LAMA2: variants seen among roughly 807,000 people sequenced by gnomAD.
The protein encoded by LAMA2 is laminin subunit alpha-2.
LAMA2 carries 269 observed loss-of-function variants against 364.8 expected under a neutral mutation model. That is an observed-to-expected ratio of 0.74 (90% CI 0.67 to 0.82). LAMA2 has a LOEUF of 0.82. Among genes scored for constraint, LAMA2 ranks in the 40% least tolerant of loss-of-function variants. The pLI is 0.00. For synonymous variants in LAMA2, 1,379 were observed against 1,370.6 expected (o/e 1.01, Z -0.14); for missense variants, 3,807 against 3,873.2 (o/e 0.98, Z 0.45).
intron 58 of LAMA2, among the ~76,000 whole-genome samples, chr6:129,499,069 C>T (rs1032147152): frequency 3.3e-5 from 5 of 152,122 alleles, no homozygotes; most frequent in African/African-American, 1.2e-4. Flanking sequence ...TGCACCACCA[C>T]GCGAGACTCC....
At chr6:129,206,785 T>A (rs1403800253) in intron 12 of LAMA2, among the ~76,000 whole-genome samples, 1 of 152,162 alleles carries the variant, frequency 6.6e-6, no homozygotes, top group Non-Finnish European at 1.5e-5. Flanking sequence ...TTTGGCACAC[T>A]GAAAAAGGGG....
At chr6:129,295,955 ATTTCTG>A (rs1289695542) in intron 20 of LAMA2, among the ~76,000 whole-genome samples, 1 of 151,680 alleles carries the variant, frequency 6.6e-6, no homozygotes, top group Admixed American at 6.6e-5. Flanking sequence ...TTGTCTATGT[ATTTCTG>A]TTTCTGTTTG....
intron 62 of LAMA2, among the ~76,000 whole-genome samples, chr6:129,508,974 G>C (rs1786342419): frequency 6.6e-6 from 1 of 152,164 alleles, no homozygotes; most frequent in Non-Finnish European, 1.5e-5. Flanking sequence ...CACCAACAGT[G>C]TACAAGGGTT....
chr6:128,923,913 T>C (rs1165269692), intron 1 of LAMA2, among the ~76,000 whole-genome samples: 1 of 151,878 alleles, frequency 6.6e-6, no homozygotes, highest in Non-Finnish European at 1.5e-5. Flanking sequence ...AAGAGAGGAG[T>C]GGGGAGCTGG....
In LAMA2 at chr6:129,087,755, A is replaced by G. The variant is rs567878982; in HGVS notation, c.397-10418A>G. 1.8e-3 allele frequency among the ~76,000 whole-genome samples: 281 copies of G among 152,122 alleles called. 2 individuals carry two copies. Among genetic ancestry groups the G allele is most frequent in the African/African-American group, 6.4e-3 (266 of 41,532 alleles). The stretch of plus-strand genomic sequence containing the variant: ...GGTCATGCATGGACTACAAGGGATC[A>G]AGTAGAAAAGGAGTGGTAAAGTAGT... On this transcript the variant is annotated intron_variant, in intron 3 of 64. Transcript: ENST00000421865.
chr6:129,361,928 C>T (rs963892279), intron 32 of LAMA2, among the ~76,000 whole-genome samples: 2 of 151,540 alleles, frequency 1.3e-5, no homozygotes, highest in Admixed American at 1.3e-4. Flanking sequence ...GGACTAGAGG[C>T]ACATGCCACC....
chr6:129,036,128 T>C (rs1307680692), intron 1 of LAMA2, among the ~76,000 whole-genome samples: 1 of 152,176 alleles, frequency 6.6e-6, no homozygotes, highest in African/African-American at 2.4e-5. Context: ...ATGGAATGTT[T>C]TTCCATTTGT....
rs529175882 is a variant in LAMA2 at position 129,365,464 on chromosome 6, G to A, written c.4718-755G>A. On this transcript the variant is annotated intron_variant, in intron 32 of 64. Coordinates refer to ENST00000421865, the MANE Select transcript of LAMA2 (RefSeq NM_000426.4). ...TGCAACCTCCGCCTCCCAGTTTCAAGTGATTCTCCTGCCTCAGCCTTCTGG... is the reference window on the plus strand; with the variant it reads ...TGCAACCTCCGCCTCCCAGTTTCAAATGATTCTCCTGCCTCAGCCTTCTGG... Among the ~76,000 whole-genome samples, 6 of 152,238 alleles carry A rather than the reference G, an allele frequency of 3.9e-5. No homozygotes were observed. In the South Asian group the frequency reaches 1.2e-3, roughly 32 times the overall value.
intron 28 of LAMA2, among the ~76,000 whole-genome samples, chr6:129,321,207 C>T (rs1774944956): frequency 6.6e-6 from 1 of 152,038 alleles, no homozygotes; most frequent in Admixed American, 6.6e-5. Flanking sequence ...CTGAGATATT[C>T]TCTTGTCTGC....
chr6:129,321,024 A>G (rs1424529123), intron 28 of LAMA2, among the ~76,000 whole-genome samples: 1 of 152,226 alleles, frequency 6.6e-6, no homozygotes, highest in African/African-American at 2.4e-5. Flanking sequence ...ATATTTTTAT[A>G]TAGAACACGA....
chr6:128,970,624 A>G (rs1782132415), intron 1 of LAMA2, among the ~76,000 whole-genome samples: 1 of 152,222 alleles, frequency 6.6e-6, no homozygotes, highest in Non-Finnish European at 1.5e-5. Context: ...AACATCAACA[A>G]ATAAATTTGC....
At chr6:128,959,594 A>G (rs1582771440) in intron 1 of LAMA2, among the ~76,000 whole-genome samples, 3 of 152,016 alleles carry the variant, frequency 2.0e-5, no homozygotes. Flanking sequence ...GCTTCTCCCC[A>G]AGATATCTTC....
intron 1 of LAMA2, among the ~76,000 whole-genome samples, chr6:128,968,167 G>C (rs566819598): frequency 3.9e-4 from 59 of 152,258 alleles, no homozygotes; most frequent in African/African-American, 1.4e-3. Flanking sequence ...TATTTTGTGA[G>C]GTCTTTATAA....
chr6:129,126,537 C>G (rs1369091447), intron 4 of LAMA2, among the ~76,000 whole-genome samples: 1 of 150,780 alleles, frequency 6.6e-6, no homozygotes, highest in East Asian at 1.9e-4. Context: ...TACAATTCTA[C>G]TGGTAAGACT....
chr6:128,949,369 T>C (rs1780670078), intron 1 of LAMA2, among the ~76,000 whole-genome samples: 1 of 151,652 alleles, frequency 6.6e-6, no homozygotes, highest in Non-Finnish European at 1.5e-5. Context: ...ACTGTTGCTC[T>C]CTCACTTTAG....
At chr6:129,437,873 T>G (rs1472776039) in intron 41 of LAMA2, among the ~76,000 whole-genome samples, 1 of 151,916 alleles carries the variant, frequency 6.6e-6, no homozygotes, top group Non-Finnish European at 1.5e-5. Context: ...CTCTTTATAT[T>G]GTTGTACTCG....
intron 35 of LAMA2, among the ~76,000 whole-genome samples, chr6:129,390,056 G>T (rs1356533466): frequency 6.6e-6 from 1 of 152,128 alleles, no homozygotes; most frequent in Non-Finnish European, 1.5e-5. Context: ...ACTGACTACA[G>T]GAACTTTTAA....
At chr6:129,141,784 C>T (rs1358033736) in intron 4 of LAMA2, among the ~76,000 whole-genome samples, 1 of 152,016 alleles carries the variant, frequency 6.6e-6, no homozygotes, top group Non-Finnish European at 1.5e-5. Context: ...ACACACTGTC[C>T]TGTACCCAAG....
chr6:129,100,736 C>G (rs186519576), intron 4 of LAMA2, among the ~76,000 whole-genome samples: 36 of 152,230 alleles, frequency 2.4e-4, no homozygotes, highest in Admixed American at 1.8e-3. Flanking sequence ...TCTGATATAT[C>G]ATGGCATAGA....
Sources: allele counts gnomAD v4.1 joint callset (sites outside exome capture counted in the v4.1 genomes callset), GRCh38; gene constraint gnomAD v4.1.1; transcripts MANE v1.5; gene names NCBI Gene and HGNC (gene_info 2026-07-23, HGNC 2026-07-21).